ANKS1B: variants seen among roughly 807,000 people sequenced by gnomAD.
ANKS1B encodes the protein ankyrin repeat and sterile alpha motif domain-containing protein 1B.
Under a neutral mutation model 148.3 loss-of-function variants are expected in ANKS1B, and 36 were observed. The ratio of observed to expected loss-of-function variants is 0.24; its 90% CI spans 0.19 to 0.32. The LOEUF (loss-of-function observed/expected upper bound fraction) is 0.32. Among genes scored for constraint, ANKS1B ranks in the 10% least tolerant of loss-of-function variants. ANKS1B has a pLI of 1.00. For synonymous variants in ANKS1B, 542 were observed against 560.8 expected, an observed-to-expected ratio of 0.97 and a Z score of 0.47; for missense variants, 1,157 against 1,542.6, an observed-to-expected ratio of 0.75 and a Z score of 4.19.
intron 1 of ANKS1B, among the ~76,000 whole-genome samples, chr12:99,855,960 C>T (rs1320199383): frequency 6.6e-6 from 1 of 151,966 alleles, no homozygotes; most frequent in East Asian, 1.9e-4. Flanking sequence ...ATCAAAAAGT[C>T]TAAAGGAGCA....
intron 14 of ANKS1B, among the ~76,000 whole-genome samples, chr12:99,225,129 C>A (rs917742172): frequency 5.3e-5 from 8 of 152,132 alleles, no homozygotes; most frequent in Non-Finnish European, 1.5e-5. Context: ...ATATATAAAT[C>A]ATAGGTAGCA....
intron 15 of ANKS1B, among the ~76,000 whole-genome samples, chr12:99,106,418 C>T (rs1221603252): frequency 6.6e-6 from 1 of 152,174 alleles, no homozygotes; most frequent in Admixed American, 6.5e-5. Flanking sequence ...CTTGAGTGGC[C>T]TACAGCCATG....
downstream of ANKS1B, among the ~76,000 whole-genome samples, chr12:98,742,355 T>C (rs943992891): frequency 6.6e-6 from 1 of 152,240 alleles, no homozygotes; most frequent in African/African-American, 2.4e-5. Context: ...TTTTTTTTTT[T>C]TTTTCCCCAA....
At chr12:99,683,021 G>A (rs2098630202) in intron 8 of ANKS1B, among the ~76,000 whole-genome samples, 1 of 152,134 alleles carries the variant, frequency 6.6e-6, no homozygotes, top group African/African-American at 2.4e-5. Context: ...ATACATGGCA[G>A]CAGACATGAG....
At chr12:99,125,246 C>T (rs1353494087) in intron 15 of ANKS1B, among the ~76,000 whole-genome samples, 1 of 152,068 alleles carries the variant, frequency 6.6e-6, no homozygotes, top group Non-Finnish European at 1.5e-5. Context: ...TTCATTCATT[C>T]CAAAAAGTTA....
intron 9 of ANKS1B, among the ~76,000 whole-genome samples, chr12:99,528,169 T>C (rs539848689): frequency 6.6e-6 from 1 of 152,146 alleles, no homozygotes; most frequent in East Asian, 1.9e-4. Context: ...TGGCTAGCCA[T>C]ATGCAGAAAA....
chr12:98,932,717 C>A (rs2099814803), intron 17 of ANKS1B, among the ~76,000 whole-genome samples: 1 of 152,022 alleles, frequency 6.6e-6, no homozygotes, highest in South Asian at 2.1e-4. Flanking sequence ...TTCCTGGAAC[C>A]AGAAAGGTCT....
intron 12 of ANKS1B, among the ~76,000 whole-genome samples, chr12:99,350,159 T>C (rs2091241856): frequency 6.6e-6 from 1 of 151,944 alleles, no homozygotes; most frequent in African/African-American, 2.4e-5. Context: ...TTCAAATGTG[T>C]AGCACCTCCC....
chr12:98,986,244 T>C (rs2099923314), intron 17 of ANKS1B, among the ~76,000 whole-genome samples: 1 of 152,098 alleles, frequency 6.6e-6, no homozygotes, highest in Admixed American at 6.6e-5. Context: ...CTGTGGTCTG[T>C]TATCTTTATT....
At chr12:99,975,478 A>C (rs1235835684) in intron 1 of ANKS1B, among the ~76,000 whole-genome samples, 1 of 152,170 alleles carries the variant, frequency 6.6e-6, no homozygotes, top group African/African-American at 2.4e-5. Context: ...CCTCACCAGC[A>C]TCTATTGTCT....
At chr12:99,633,813 G>T (rs1219003719) in intron 9 of ANKS1B, among the ~76,000 whole-genome samples, 1 of 152,152 alleles carries the variant, frequency 6.6e-6, no homozygotes, top group African/African-American at 2.4e-5. Flanking sequence ...CCATCAACAA[G>T]TGGGCGAAGG....
chr12:99,984,598 A>C lies in ANKS1B; in HGVS notation c.-361T>G, dbSNP rs973749125. On this transcript the variant is annotated 5_prime_UTR_variant, in exon 1 of 27. Coordinates refer to ENST00000683438, the MANE Select transcript of ANKS1B (RefSeq NM_001352186.2). ...AGCGGGAGGAGGGTGGTGAGGACTG[A>C]GGTCGGAGGAGGAGGAGGAGGCGGC... is the stretch of plus-strand genomic sequence containing the variant. 3.8e-5 allele frequency: 7 copies of C among 185,312 alleles called. No homozygotes were observed. The highest frequency in any genetic ancestry group is 1.4e-4 in the East Asian group (1 of 7,254). The allele number at this position is 185,312 out of a possible 1,614,324, so 11.5% of individuals were successfully genotyped here.
intron 17 of ANKS1B, among the ~76,000 whole-genome samples, chr12:98,961,394 C>A (rs1415363285): frequency 6.6e-6 from 1 of 151,990 alleles, no homozygotes; most frequent in Admixed American, 6.6e-5. Flanking sequence ...ACAAAAATAT[C>A]CTTTAAATAT....
At chr12:99,523,089 TCA>T (rs2096891336) in intron 9 of ANKS1B, among the ~76,000 whole-genome samples, 1 of 152,208 alleles carries the variant, frequency 6.6e-6, no homozygotes, top group Admixed American at 6.5e-5. Context: ...ATAGGGCATC[TCA>T]CTGAATTTGC....
chr12:98,832,691 T>G (rs1392849398), intron 17 of ANKS1B, among the ~76,000 whole-genome samples: 1 of 152,104 alleles, frequency 6.6e-6, no homozygotes, highest in Non-Finnish European at 1.5e-5. Context: ...TGATGTCTCC[T>G]CAGAAAGGTC....
At chr12:99,263,435 T>A (rs1165946105) in intron 12 of ANKS1B, among the ~76,000 whole-genome samples, 3 of 152,066 alleles carry the variant, frequency 2.0e-5, no homozygotes. Flanking sequence ...AAACATTTTA[T>A]GTCTTACAAG....
intron 9 of ANKS1B, among the ~76,000 whole-genome samples, chr12:99,653,678 C>CTTTT (rs199988255): frequency 2.9e-3 from 334 of 113,488 alleles, no homozygotes; most frequent in Middle Eastern, 5.2e-3. Context: ...TTCTTTCTTT[C>CTTTT]TTTTTTTTTT....
rs929385686 is a variant in ANKS1B, at chr12:99,065,647, C to T, written c.2626-12338G>A. Among the ~76,000 whole-genome samples the T allele has an allele frequency of 6.8e-5, 9 of 132,482 alleles. No homozygotes were observed. In the East Asian group the frequency reaches 1.3e-3, roughly 20 times the overall value. The allele number at this position is 132,482 out of a possible 152,430, so 86.9% of individuals were successfully genotyped here. ...CCATCCATCCATCCATCCCATCCATCCATCCATCCATCCATCCATCCATCC... is the reference window on the plus strand; with the variant it reads ...CCATCCATCCATCCATCCCATCCATTCATCCATCCATCCATCCATCCATCC... On this transcript the variant is annotated intron_variant, in intron 16 of 26. Transcript: ENST00000683438.
chr12:99,697,330 C>T (rs1193832201), intron 8 of ANKS1B, among the ~76,000 whole-genome samples: 2 of 152,094 alleles, frequency 1.3e-5, no homozygotes, highest in African/African-American at 2.4e-5. Context: ...TTGGAAGCAA[C>T]TAAAATGTCT....
Sources: allele counts gnomAD v4.1 joint callset (sites outside exome capture counted in the v4.1 genomes callset), GRCh38; gene constraint gnomAD v4.1.1; transcripts MANE v1.5; gene names NCBI Gene and HGNC (gene_info 2026-07-23, HGNC 2026-07-21).